Variants in FTCDNL1 observed in about 807,000 individuals in gnomAD.
FTCDNL1 encodes the protein formiminotransferase cyclodeaminase N-terminal like.
In FTCDNL1, 11 loss-of-function variants were observed where a neutral mutation model predicts 5.9. That is an observed-to-expected ratio of 1.87 (90% CI 1.18 to 3.10). FTCDNL1 has a LOEUF of 3.10. Ranked by LOEUF, FTCDNL1 falls within the 30% of genes most tolerant of loss-of-function variation. The pLI, the probability that FTCDNL1 is intolerant of heterozygous loss-of-function variation, is 0.00. For synonymous variants in FTCDNL1, 58 were observed against 24.8 expected (o/e 2.34, Z -3.99); for missense variants, 115 against 65.5 (o/e 1.76, Z -2.61).
chr2:199,836,783 T>C (rs1262588779), intron 3 of FTCDNL1, among the ~76,000 whole-genome samples: 2 of 151,964 alleles, frequency 1.3e-5, no homozygotes, highest in Non-Finnish European at 2.9e-5. Context: ...GGAAGAGTGA[T>C]ACAGGGAAGG....
intron 3 of FTCDNL1, among the ~76,000 whole-genome samples, chr2:199,830,784 T>C (rs1702322140): frequency 6.6e-6 from 1 of 152,192 alleles, no homozygotes; most frequent in South Asian, 2.1e-4. Flanking sequence ...TACAGAAATT[T>C]ATTGTGCTAG....
At chr2:199,678,448 A>G in the FTCDNL1 span, among the ~76,000 whole-genome samples, 2 of 152,202 alleles carry the variant, frequency 1.3e-5, no homozygotes, top group East Asian at 3.8e-4. Context: ...TATGCCATGC[A>G]GGACTTTCTT....
chr2:199,677,581 A>G, the FTCDNL1 span, among the ~76,000 whole-genome samples: 1 of 152,200 alleles, frequency 6.6e-6, no homozygotes, highest in Non-Finnish European at 1.5e-5. Context: ...GTGGGCTCTA[A>G]AAATGAAATT....
chr2:199,739,932 C>T, the FTCDNL1 span, among the ~76,000 whole-genome samples: 1 of 152,206 alleles, frequency 6.6e-6, no homozygotes, highest in East Asian at 1.9e-4. Context: ...GATCCTGGGA[C>T]ACGGTGGGGT....
intron 3 of FTCDNL1, among the ~76,000 whole-genome samples, chr2:199,766,107 C>T (rs559408948): frequency 3.9e-4 from 60 of 152,168 alleles, no homozygotes; most frequent in Non-Finnish European, 6.8e-4. Flanking sequence ...CTGGGCAGGC[C>T]AGTGTGAAAA....
At chr2:199,726,207 C>T in the FTCDNL1 span, among the ~76,000 whole-genome samples, 3 of 152,102 alleles carry the variant, frequency 2.0e-5, no homozygotes, top group Admixed American at 6.5e-5. Context: ...TGCATTGTGA[C>T]GTTCTCGTGT....
At chr2:199,760,605 G>A in exon 4 of FTCDNL1, 2 of 516,394 alleles carry the variant, frequency 3.9e-6, no homozygotes, top group African/African-American at 1.9e-5. Context: ...AAAGATACAT[G>A]GGGAAACATT....
the FTCDNL1 span, among the ~76,000 whole-genome samples, chr2:199,689,547 C>G: frequency 1.3e-5 from 2 of 152,124 alleles, no homozygotes; most frequent in African/African-American, 2.4e-5. Context: ...ACAGAAACAG[C>G]CTTCTCATGT....
chr2:199,738,700 CTCGTTTCAAT>C, the FTCDNL1 span, among the ~76,000 whole-genome samples: 1 of 152,182 alleles, frequency 6.6e-6, no homozygotes, highest in Non-Finnish European at 1.5e-5. Context: ...CTTAAGAAAG[CTCGTTTCAAT>C]ACACAGCTGC....
At chr2:199,671,608 T>C in the FTCDNL1 span, among the ~76,000 whole-genome samples, 64 of 152,260 alleles carry the variant, frequency 4.2e-4, no homozygotes, top group African/African-American at 1.5e-3. Flanking sequence ...TTTTCAAAAT[T>C]GAAGATTCTT....
At chr2:199,779,256 T>C (rs996085003) in intron 3 of FTCDNL1, among the ~76,000 whole-genome samples, 1 of 152,198 alleles carries the variant, frequency 6.6e-6, no homozygotes, top group Non-Finnish European at 1.5e-5. Flanking sequence ...AACTATAAAG[T>C]TGAAGTGAAA....
In FTCDNL1 at chr2:199,851,117, A is replaced by C. The variant is rs1370414626; in HGVS notation, c.-385T>G. Reference sequence around the variant, plus strand: ...TGGGGCAGGGCGACCGCCCAGCCCAAGTCGCCGCCGCGCGTGGCCCGCGCG... The same window carrying C: ...TGGGGCAGGGCGACCGCCCAGCCCACGTCGCCGCCGCGCGTGGCCCGCGCG... On this transcript the variant is annotated 5_prime_UTR_variant, in exon 1 of 5. Coordinates refer to ENST00000420128, the MANE Select transcript of FTCDNL1 (RefSeq NM_001363886.2). 7.1e-6 allele frequency: 1 copy of C among 141,686 alleles called. No individual in the cohort carries two copies. Among genetic ancestry groups the C allele is most frequent in the Non-Finnish European group, 1.6e-5 (1 of 62,738 alleles). 8.8% of individuals were successfully genotyped at this position (141,686 alleles called of 1,614,324 possible).
At chr2:199,777,159 G>A (rs1445021173) in intron 3 of FTCDNL1, among the ~76,000 whole-genome samples, 1 of 152,016 alleles carries the variant, frequency 6.6e-6, no homozygotes, top group Non-Finnish European at 1.5e-5. Context: ...CAGGTGCAGT[G>A]GCATGCACCT....
chr2:199,732,020 AC>A, the FTCDNL1 span, among the ~76,000 whole-genome samples: 1 of 152,232 alleles, frequency 6.6e-6, no homozygotes, highest in Non-Finnish European at 1.5e-5. Flanking sequence ...AGGGAAATCC[AC>A]AATTATCCTA....
chr2:199,668,949 T>C, the FTCDNL1 span, among the ~76,000 whole-genome samples: 5 of 152,132 alleles, frequency 3.3e-5, no homozygotes, highest in African/African-American at 1.2e-4. Context: ...GTATCTCAGA[T>C]TGTAATAATT....
chr2:199,839,726 T>A (rs1324914599), intron 3 of FTCDNL1, among the ~76,000 whole-genome samples: 1 of 151,572 alleles, frequency 6.6e-6, no homozygotes, highest in Non-Finnish European at 1.5e-5. Flanking sequence ...AAATAAGGAG[T>A]CATAATGGTT....
downstream of FTCDNL1, among the ~76,000 whole-genome samples, chr2:199,755,778 TCATCTATAAATAAGGGATGATAATA>T (rs1260910954): frequency 2.0e-5 from 3 of 152,184 alleles, no homozygotes; most frequent in African/African-American, 7.2e-5. Flanking sequence ...CACCATTTCC[TCATCTATAAATAAGGGATGATAATA>T]CATGTTTGCT....
At chr2:199,724,672 T>C in the FTCDNL1 span, among the ~76,000 whole-genome samples, 2 of 152,206 alleles carry the variant, frequency 1.3e-5, no homozygotes, top group African/African-American at 4.8e-5. Context: ...GTTTGTTCAA[T>C]TTCCATGTAG....
At chr2:199,731,163 G>C in the FTCDNL1 span, among the ~76,000 whole-genome samples, 4 of 152,106 alleles carry the variant, frequency 2.6e-5, no homozygotes, top group African/African-American at 7.2e-5. Flanking sequence ...TGGACACAGG[G>C]AGGGGAACAT....
Sources: gnomAD v4.1 joint callset for allele counts (sites outside exome capture counted in the v4.1 genomes callset) on GRCh38, gnomAD v4.1.1 for gene constraint, MANE v1.5 for transcripts, NCBI Gene and HGNC (gene_info 2026-07-23, HGNC 2026-07-21) for gene names.